The following UTP15 variants were observed in gnomAD, a reference collection of about 807,000 sequenced individuals.
UTP15 encodes UTP15 small subunit processome component.
In UTP15, 5 loss-of-function variants were observed where a neutral mutation model predicts 59.1. That is an observed-to-expected ratio of 0.08 (90% CI 0.04 to 0.18). The LOEUF (loss-of-function observed/expected upper bound fraction) is 0.18. Ranked by LOEUF, UTP15 falls within the 10% of genes least tolerant of loss-of-function variation. UTP15 has a pLI of 1.00. For synonymous variants in UTP15, 211 were observed against 212.2 expected, an observed-to-expected ratio of 0.99 and a Z score of 0.05; for missense variants, 494 against 616.7, an observed-to-expected ratio of 0.80 and a Z score of 2.11.
In UTP15 at chr5:73,581,006, A is replaced by T. The variant is rs1748286188; in HGVS notation, c.*912A>T. 1 of 152,078 alleles carries T rather than the reference A, an allele frequency of 6.6e-6. No homozygotes were observed. The highest frequency in any genetic ancestry group is 1.5e-5 in the Non-Finnish European group (1 of 68,014). The allele number at this position is 152,078 out of a possible 1,614,324, so 9.4% of individuals were successfully genotyped here. A position where few individuals can be genotyped will look rare whatever the true frequency, so the allele number is the denominator to read the frequency against. On this transcript the variant is annotated 3_prime_UTR_variant, in exon 13 of 13. Transcript: ENST00000296792. ...CCCCAATGCAGAGCAGTTTGCTTTGAAAAATAGTTGTTTTTAAAAGTTTAA... is the reference window on the plus strand; with the variant it reads ...CCCCAATGCAGAGCAGTTTGCTTTGTAAAATAGTTGTTTTTAAAAGTTTAA...
intron 7 of UTP15, among the ~76,000 whole-genome samples, chr5:73,573,815 CCA>C (rs1361115200): frequency 6.6e-6 from 1 of 151,818 alleles, no homozygotes; most frequent in Admixed American, 6.6e-5. Flanking sequence ...TTCAGGTGAT[CCA>C]CTCACCTTGG....
chr5:73,570,493 A>G, intron 5 of UTP15, 93 bp from the exon 6 acceptor site: 1 of 1,307,854 alleles, frequency 7.6e-7, no homozygotes, highest in Non-Finnish European at 1.1e-6. Context: ...AACTCCATCT[A>G]AGCTTTTTTT....
chr5:73,580,024 G>A lies in UTP15; in HGVS notation c.1487G>A (p.Arg496Lys), dbSNP rs1191257745. 3.7e-6 allele frequency: 6 copies of A among 1,613,798 alleles called. No homozygotes were observed. The highest frequency in any genetic ancestry group is 1.7e-4 in the Middle Eastern group (1 of 6,058). Reference sequence around the variant, plus strand: ...GATATGCTTTTTGCCACCATGAGAAGGAAGGAAGGCACTTCTGTGTTGGAA... The same window carrying A: ...GATATGCTTTTTGCCACCATGAGAAAGAAGGAAGGCACTTCTGTGTTGGAA... Reference protein sequence around the residue: ...MMDMLFATMRRKEGTSVLEHT... With the variant: ...MMDMLFATMRKKEGTSVLEHT... The change falls in exon 13 of 13, where the codon AGG becomes AAG. Residue 496 changes from arginine to lysine, a missense_variant. Coordinates refer to ENST00000296792, the MANE Select transcript of UTP15 (RefSeq NM_032175.4).
intron 1 of UTP15, chr5:73,566,132 C>T (rs539704826): frequency 1.4e-5 from 4 of 295,976 alleles, no homozygotes; most frequent in African/African-American, 2.2e-5. Context: ...ATCAGCAACT[C>T]TCCAAGGCAA....
intron 6 of UTP15, among the ~76,000 whole-genome samples, chr5:73,571,791 A>T (rs560922692): frequency 6.6e-6 from 1 of 152,312 alleles, no homozygotes; most frequent in Non-Finnish European, 1.5e-5. Context: ...TTAAAAAAAG[A>T]AAAAAGTTGA....
At chr5:73,577,786 T>G (rs1007097135) in intron 8 of UTP15, 70 bp from the exon 9 acceptor site, 134 of 1,314,138 alleles carry the variant, frequency 1.0e-4, no homozygotes, top group Middle Eastern at 3.8e-4. Context: ...ATGGTAAATG[T>G]GTTTTGAAGT....
At position 73,581,609 on chromosome 5, in the gene UTP15, G is replaced by T. The variant is rs574864880; in HGVS notation, c.*1515G>T. ...ATAATTTTAGTTCTGTAAATTCAGGGTTTTTTTTTGTTTTTTTGTTTTTTT... is the reference window on the plus strand; with the variant it reads ...ATAATTTTAGTTCTGTAAATTCAGGTTTTTTTTTTGTTTTTTTGTTTTTTT... On this transcript the variant is annotated 3_prime_UTR_variant, in exon 13 of 13. Coordinates refer to ENST00000296792, the MANE Select transcript of UTP15 (RefSeq NM_032175.4). The T allele has an allele frequency of 3.4e-4, 51 of 150,054 alleles. No individual in the cohort carries two copies. Among genetic ancestry groups the T allele is most frequent in the African/African-American group, 1.2e-3 (49 of 40,914 alleles). 9.3% of individuals were successfully genotyped at this position (150,054 alleles called of 1,614,324 possible). A position where few individuals can be genotyped will look rare whatever the true frequency, so the allele number is the denominator to read the frequency against.
intron 9 of UTP15, 145 bp downstream of exon 9, chr5:73,578,150 T>G: frequency 1.3e-6 from 1 of 774,360 alleles, no homozygotes; most frequent in Non-Finnish European, 2.0e-6. Context: ...GATTGCTAGA[T>G]TGGGGACATT....
intron 8 of UTP15, 75 bp downstream of exon 8, chr5:73,577,111 T>C: frequency 8.6e-7 from 1 of 1,157,734 alleles, no homozygotes; most frequent in African/African-American, 1.6e-5. Flanking sequence ...AACTTTGGGC[T>C]TTATTTTTAG....
At position 73,578,123 on chromosome 5, in the gene UTP15, C is replaced by T. The variant is rs111313040; in HGVS notation, c.1044+118C>T. ...TGGCACTTTATTTTGCTTTTCTCTA[C>T]ATCAGAATTATTTCTAGATTGCTAG... On this transcript the variant is annotated intron_variant, in intron 9 of 12. Coordinates refer to ENST00000296792, the MANE Select transcript of UTP15 (RefSeq NM_032175.4). The T allele has an allele frequency of 8.9e-4, 939 of 1,055,502 alleles. 9 individuals are homozygous for T. The African/African-American group carries it at 0.014, about 15-fold the overall frequency. 65.4% of individuals were successfully genotyped at this position (1,055,502 alleles called of 1,614,324 possible). A position where few individuals can be genotyped will look rare whatever the true frequency, so the allele number is the denominator to read the frequency against.
intron 9 of UTP15, 26 bp from the exon 10 acceptor site, chr5:73,578,725 C>G (rs1371851713): frequency 6.3e-7 from 1 of 1,595,242 alleles, no homozygotes; most frequent in East Asian, 2.2e-5. Context: ...GATTTTCCTT[C>G]TCTATAAATG....
At position 73,579,370 on chromosome 5, in the gene UTP15, T is replaced by G; in HGVS notation, c.1334T>G (p.Ile445Ser). ...APVLINAAEI[I>S]IDIYLPVIGQ... ...GTTTTAATCAATGCTGCTGAAATAATTATTGGTAAGTCATTGTTAAAACTT... is the reference window on the plus strand; with the variant it reads ...GTTTTAATCAATGCTGCTGAAATAAGTATTGGTAAGTCATTGTTAAAACTT... Residue 445 changes from isoleucine (I) to serine (S), a missense_variant, in exon 12 of 13, where the codon ATT becomes AGT. Coordinates refer to ENST00000296792, the MANE Select transcript of UTP15 (RefSeq NM_032175.4). The G allele has an allele frequency of 1.2e-6, 2 of 1,605,540 alleles. No homozygotes were observed. Among genetic ancestry groups the G allele is most frequent in the Non-Finnish European group, 1.7e-6 (2 of 1,176,438 alleles).
chr5:73,572,874 T>C (rs1458625157), intron 7 of UTP15, among the ~76,000 whole-genome samples: 2 of 152,158 alleles, frequency 1.3e-5, no homozygotes, highest in East Asian at 3.8e-4. Context: ...CTCGGCTCGC[T>C]GCAACCTCCG....
rs1747876684 is a variant in UTP15 at position 73,569,689 on chromosome 5, A to C, written c.547+14A>C. On this transcript the variant is annotated intron_variant, in intron 5 of 12. Coordinates refer to ENST00000296792, the MANE Select transcript of UTP15 (RefSeq NM_032175.4). ...TCTTTATAACAGGTTGGTGAACTCT[A>C]TTCCCTCCTGAAGCAAATAATCTCA... 2 of 1,574,212 alleles carry C rather than the reference A, an allele frequency of 1.3e-6. No individual in the cohort carries two copies. Among genetic ancestry groups the C allele is most frequent in the East Asian group, 4.7e-5 (2 of 42,898 alleles).
In UTP15 at chr5:73,567,416, G is replaced by A; in HGVS notation, c.72G>A (p.Leu24=). ...GTGAAAAAATCACCCAAGATACACTGTACTGGAACAACTATAAGGTGAGTG... is the reference window on the plus strand; with the variant it reads ...GTGAAAAAATCACCCAAGATACACTATACTGGAACAACTATAAGGTGAGTG... ...ILGEKITQDT[L]YWNNYKTPVQ... The change falls in exon 2 of 13, where the codon CTG becomes CTA. Residue 24 remains leucine, a synonymous_variant. Coordinates refer to ENST00000296792, the MANE Select transcript of UTP15 (RefSeq NM_032175.4). 6.2e-7 allele frequency: 1 copy of A among 1,607,442 alleles called. No individual in the cohort carries two copies. Among genetic ancestry groups the A allele is most frequent in the South Asian group, 1.1e-5 (1 of 90,096 alleles).
At position 73,568,478 on chromosome 5, in the gene UTP15, A is replaced by T. The variant is rs931814046; in HGVS notation, c.242A>T (p.Asp81Val). The change falls in exon 4 of 13, where the codon GAC becomes GTC. Residue 81 changes from aspartate (D) to valine (V), a missense_variant. By Grantham distance (152) the Asp-to-Val change is radical. Coordinates refer to ENST00000296792, the MANE Select transcript of UTP15 (RefSeq NM_032175.4). ...ATAAAAACCTTTTCTCGATTTAAAG[A>T]CACAGCATACTGTGCTACTTTTCGA... is the stretch of plus-strand genomic sequence containing the variant. ...EPIKTFSRFK[D>V]TAYCATFRQD... 1.2e-6 allele frequency: 2 copies of T among 1,613,978 alleles called. No homozygotes were observed. The highest frequency in any genetic ancestry group is 1.7e-6 in the Non-Finnish European group (2 of 1,179,920).
chr5:73,568,655 C>CT (rs1274896179), intron 4 of UTP15, 51 bp downstream of exon 4: 2 of 1,508,786 alleles, frequency 1.3e-6, no homozygotes, highest in South Asian at 2.6e-5. Context: ...GTTGTAAGCT[C>CT]TTTTTTTCTC....
In UTP15 at chr5:73,581,659, T is replaced by C. The variant is rs763281071; in HGVS notation, c.*1565T>C. 6.6e-6 allele frequency: 1 copy of C among 152,108 alleles called. No homozygotes were observed. Among genetic ancestry groups the C allele is most frequent in the Non-Finnish European group, 1.5e-5 (1 of 68,022 alleles). 9.4% of individuals were successfully genotyped at this position (152,108 alleles called of 1,614,324 possible). A position where few individuals can be genotyped will look rare whatever the true frequency, so the allele number is the denominator to read the frequency against. Reference sequence around the variant, plus strand: ...TTAAGCCGAAAAAATGCTTAATATGTTCCAGTAAGGGTATTAAGTAAAAAT... The same window carrying C: ...TTAAGCCGAAAAAATGCTTAATATGCTCCAGTAAGGGTATTAAGTAAAAAT... On this transcript the variant is annotated 3_prime_UTR_variant, in exon 13 of 13. Coordinates refer to ENST00000296792, the MANE Select transcript of UTP15 (RefSeq NM_032175.4).
At chr5:73,567,533 G>A (rs2112036744) in intron 2 of UTP15, 99 bp downstream of exon 2, 1 of 823,054 alleles carries the variant, frequency 1.2e-6, no homozygotes. Flanking sequence ...ATTATTAACT[G>A]AAAACCATCT....
Sources: allele counts gnomAD v4.1 joint callset (sites outside exome capture counted in the v4.1 genomes callset), GRCh38; gene constraint gnomAD v4.1.1; transcripts MANE v1.5; gene names NCBI Gene and HGNC (gene_info 2026-07-23, HGNC 2026-07-21).